Variants in NELL2 observed in about 807,000 individuals in gnomAD.
The protein encoded by NELL2 is neural EGFL like 2, also known as protein kinase C-binding protein NELL2.
In NELL2, 41 loss-of-function variants were observed where a neutral mutation model predicts 109.6. The observed-to-expected ratio is 0.37, with a 90% CI of 0.29 to 0.49. The LOEUF is 0.49. Ranked by LOEUF, NELL2 falls within the 20% of genes least tolerant of loss-of-function variation. The pLI is 0.98. For missense variants in NELL2, 900 were observed against 1,008.3 expected, an observed-to-expected ratio of 0.89 and a Z score of 1.45; for synonymous variants, 355 against 344.7, an observed-to-expected ratio of 1.03 and a Z score of -0.33.
chr12:44,632,095 C>T (rs1013065630), intron 13 of NELL2, among the ~76,000 whole-genome samples: 5 of 152,024 alleles, frequency 3.3e-5, no homozygotes, highest in African/African-American at 1.2e-4. Flanking sequence ...TCAAAAGACT[C>T]AGAAAAAGTC....
chr12:44,606,064 A>C (rs1295362968), intron 15 of NELL2, among the ~76,000 whole-genome samples: 1 of 152,146 alleles, frequency 6.6e-6, no homozygotes, highest in Non-Finnish European at 1.5e-5. Context: ...CTACATACCA[A>C]AGATAGACAC....
chr12:44,641,689 C>CTTTTTTTT lies in NELL2; in HGVS notation c.1444+23787_1444+23794dup, dbSNP rs71093817. Among the ~76,000 whole-genome samples the CTTTTTTTT allele has an allele frequency of 2.6e-4, 21 of 80,636 alleles. 1 individual carries two copies. Among genetic ancestry groups the CTTTTTTTT allele is most frequent in the South Asian group, 4.6e-4 (1 of 2,170 alleles). 52.9% of individuals were successfully genotyped at this position (80,636 alleles called of 152,430 possible). On this transcript the variant is annotated intron_variant, in intron 13 of 19. Coordinates refer to ENST00000429094, the MANE Select transcript of NELL2 (RefSeq NM_001145108.2). ...TCGTGAGGACTTGTACTAGTTTCTC[C>CTTTTTTTT]TTTTTTTTTTTTTTTTTTTTTTTTT...
At chr12:44,568,689 A>G (rs994585673) in intron 15 of NELL2, among the ~76,000 whole-genome samples, 6 of 152,008 alleles carry the variant, frequency 3.9e-5, no homozygotes, top group African/African-American at 7.2e-5. Context: ...AGACTGCCAC[A>G]GGCTCATTTG....
chr12:44,695,675 C>A (rs78447059), intron 12 of NELL2, among the ~76,000 whole-genome samples: 1 of 152,102 alleles, frequency 6.6e-6, no homozygotes, highest in East Asian at 1.9e-4. Flanking sequence ...CTGTTTGCTG[C>A]CTGGGTAAAT....
intron 3 of NELL2, 71 bp from the exon 4 acceptor site, chr12:44,780,093 A>G: frequency 2.0e-6 from 3 of 1,520,276 alleles, no homozygotes; most frequent in Non-Finnish European, 2.7e-6. Flanking sequence ...ATCTCTGTCT[A>G]CGGGATGGAA....
intron 3 of NELL2, among the ~76,000 whole-genome samples, chr12:44,809,326 A>G (rs1943099954): frequency 6.6e-6 from 1 of 152,066 alleles, no homozygotes; most frequent in South Asian, 2.1e-4. Context: ...TGTTTCCTGT[A>G]TAAATGGATA....
At chr12:44,699,406 G>A (rs1411254166) in intron 12 of NELL2, among the ~76,000 whole-genome samples, 2 of 151,954 alleles carry the variant, frequency 1.3e-5, no homozygotes, top group Admixed American at 6.6e-5. Context: ...AAATATCTGA[G>A]GTGTTGCAAA....
Position 44,894,845 on chromosome 12 carries a change from G to A in NELL2, c.39-18945C>T, listed in dbSNP as rs146196121. Among the ~76,000 whole-genome samples, 178 of 152,262 alleles carry A rather than the reference G, an allele frequency of 1.2e-3. 2 individuals carry two copies. In the East Asian group the frequency reaches 0.028, roughly 24 times the overall value. ...TTAGATAATAGATAACATCAAAGAT[G>A]TAAGATATATACATGCTGCTCAATT... On this transcript the variant is annotated intron_variant, in intron 1 of 20. Transcript: ENST00000333837.
rs147077675 is a variant in NELL2, at chr12:44,837,995, T to C, written c.185-21859A>G. 5.1e-3 allele frequency among the ~76,000 whole-genome samples: 776 copies of C among 152,322 alleles called. 7 individuals are homozygous for C. The highest frequency in any genetic ancestry group is 7.6e-3 in the Non-Finnish European group (514 of 68,020). ...CTAAAGATGTGAACTATGGCCTTTG[T>C]GAAACCTGCACGGGGGAATCCTTGA... is the stretch of plus-strand genomic sequence containing the variant. On this transcript the variant is annotated intron_variant, in intron 2 of 19. Coordinates refer to ENST00000429094, the MANE Select transcript of NELL2 (RefSeq NM_001145108.2).
At chr12:44,535,969 C>A (rs954018563) in intron 15 of NELL2, among the ~76,000 whole-genome samples, 3 of 151,850 alleles carry the variant, frequency 2.0e-5, no homozygotes, top group Admixed American at 6.6e-5. Context: ...TACTTGCTAT[C>A]ATTTAGAATA....
At chr12:44,587,915 G>T (rs574100595) in intron 15 of NELL2, among the ~76,000 whole-genome samples, 1 of 152,232 alleles carries the variant, frequency 6.6e-6, no homozygotes, top group African/African-American at 2.4e-5. Flanking sequence ...ACTTTGGGAG[G>T]CCAAGGCGGG....
In NELL2 at chr12:44,882,381, T is replaced by A. The variant is rs929863792; in HGVS notation, c.39-6481A>T. On this transcript the variant is annotated intron_variant, in intron 1 of 20. Coordinates refer to the NELL2 transcript ENST00000333837. Reference sequence around the variant, plus strand: ...TATGTATATATGTTGAAAATATACATACATACGTGTATACATATACACATA... The same window carrying A: ...TATGTATATATGTTGAAAATATACAAACATACGTGTATACATATACACATA... Among the ~76,000 whole-genome samples the A allele has an allele frequency of 1.3e-4, 19 of 151,304 alleles. 1 individual carries two copies. Among genetic ancestry groups the A allele is most frequent in the Non-Finnish European group, 4.4e-5 (3 of 67,938 alleles).
chr12:44,591,656 A>G (rs1318530514), intron 15 of NELL2, among the ~76,000 whole-genome samples: 1 of 152,168 alleles, frequency 6.6e-6, no homozygotes, highest in Non-Finnish European at 1.5e-5. Context: ...AGGATACAAA[A>G]TTACAGCTAG....
intron 3 of NELL2, among the ~76,000 whole-genome samples, chr12:44,786,551 A>T (rs1942178734): frequency 6.6e-6 from 1 of 152,228 alleles, no homozygotes; most frequent in South Asian, 2.1e-4. Context: ...ATTATAAAGC[A>T]TTCTACTATA....
chr12:44,698,663 G>C (rs1372814060), intron 12 of NELL2, among the ~76,000 whole-genome samples: 1 of 152,146 alleles, frequency 6.6e-6, no homozygotes, highest in African/African-American at 2.4e-5. Context: ...GGTGGGCTCA[G>C]ACTATACTAA....
chr12:44,545,538 T>TC (rs1346081895), intron 15 of NELL2, among the ~76,000 whole-genome samples: 1 of 151,974 alleles, frequency 6.6e-6, no homozygotes, highest in Non-Finnish European at 1.5e-5. Context: ...TATTATGAGG[T>TC]CTACAGATGA....
chr12:44,914,495 C>T (rs1401002251), upstream of NELL2, among the ~76,000 whole-genome samples: 1 of 152,142 alleles, frequency 6.6e-6, no homozygotes, highest in Non-Finnish European at 1.5e-5. Flanking sequence ...GCAAACCACC[C>T]CACTCACATT....
chr12:44,535,717 T>C (rs1306803882), intron 15 of NELL2, among the ~76,000 whole-genome samples: 2 of 151,856 alleles, frequency 1.3e-5, no homozygotes, highest in Non-Finnish European at 2.9e-5. Flanking sequence ...AGTAGAGTAA[T>C]AAAACTTTAA....
intron 15 of NELL2, among the ~76,000 whole-genome samples, chr12:44,533,590 T>C (rs1375561060): frequency 6.6e-6 from 1 of 152,162 alleles, no homozygotes; most frequent in African/African-American, 2.4e-5. Context: ...AAGACAGCTA[T>C]GGATCTTAAG....
Sources: allele counts gnomAD v4.1 joint callset (sites outside exome capture counted in the v4.1 genomes callset), GRCh38; gene constraint gnomAD v4.1.1; transcripts MANE v1.5; gene names NCBI Gene and HGNC (gene_info 2026-07-23, HGNC 2026-07-21).